PXDNL: variants seen among roughly 807,000 people sequenced by gnomAD.
The protein encoded by PXDNL is probable oxidoreductase PXDNL.
A neutral mutation model predicts 150.8 loss-of-function variants in PXDNL; 145 were observed. The observed-to-expected ratio is 0.96, with a 90% CI of 0.84 to 1.10. The LOEUF (loss-of-function observed/expected upper bound fraction) is 1.10. Among genes scored for constraint, PXDNL ranks in the 50% least tolerant of loss-of-function variants. PXDNL has a pLI of 0.00. For synonymous variants in PXDNL, 757 were observed against 725.7 expected (o/e 1.04, Z -0.69); for missense variants, 2,087 against 1,873.9 (o/e 1.11, Z -2.10).
At chr8:51,763,267 A>G (rs1331157919) in intron 1 of PXDNL, among the ~76,000 whole-genome samples, 2 of 151,792 alleles carry the variant, frequency 1.3e-5, no homozygotes, top group African/African-American at 2.4e-5. Context: ...TCGTGCATGT[A>G]TATATATAAG....
At chr8:51,561,256 C>T (rs894923052) in intron 3 of PXDNL, among the ~76,000 whole-genome samples, 8 of 151,888 alleles carry the variant, frequency 5.3e-5, no homozygotes, top group Non-Finnish European at 1.0e-4. Flanking sequence ...AAATATACTT[C>T]TGGGCATATA....
intron 1 of PXDNL, among the ~76,000 whole-genome samples, chr8:51,797,712 A>G (rs1465802111): frequency 2.7e-5 from 3 of 111,170 alleles, no homozygotes; most frequent in Non-Finnish European, 4.8e-5. Context: ...ATGTTCATGG[A>G]TAGGAAGAAT....
intron 1 of PXDNL, among the ~76,000 whole-genome samples, chr8:51,704,039 T>C (rs1352294810): frequency 6.6e-6 from 1 of 152,200 alleles, no homozygotes; most frequent in African/African-American, 2.4e-5. Context: ...GCATTGCCTA[T>C]AAAATAGAGA....
rs1196728373 is a variant in PXDNL at position 51,641,865 on chromosome 8, A to C, written c.236+12824T>G. Among the ~76,000 whole-genome samples the C allele has an allele frequency of 6.0e-3, 914 of 151,494 alleles. 11 individuals carry two copies. Among genetic ancestry groups the C allele is most frequent in the African/African-American group, 0.02 (844 of 41,286 alleles). ...GCCATCCCATTACTGGGTATATACCAAAAGGACTATAAATCATGCTGCTAT... is the reference window on the plus strand; with the variant it reads ...GCCATCCCATTACTGGGTATATACCCAAAGGACTATAAATCATGCTGCTAT... On this transcript the variant is annotated intron_variant, in intron 2 of 22. Transcript: ENST00000356297.
chr8:51,784,596 T>C (rs1032786335), intron 1 of PXDNL, among the ~76,000 whole-genome samples: 1 of 152,210 alleles, frequency 6.6e-6, no homozygotes, highest in East Asian at 1.9e-4. Flanking sequence ...TTGCTCCTAA[T>C]TGGATCAACG....
chr8:51,803,854 T>C (rs2037647767), intron 1 of PXDNL, among the ~76,000 whole-genome samples: 1 of 152,212 alleles, frequency 6.6e-6, no homozygotes, highest in Non-Finnish European at 1.5e-5. Flanking sequence ...CCAATGACTT[T>C]CAGAACTGCA....
At chr8:51,540,433 C>T (rs551353900) in intron 4 of PXDNL, among the ~76,000 whole-genome samples, 312 of 152,136 alleles carry the variant, frequency 2.1e-3, no homozygotes, top group Non-Finnish European at 3.5e-3. Context: ...ATTGAGTTTT[C>T]GTTCTTATTC....
At chr8:51,379,865 T>C (rs1195997320) in intron 17 of PXDNL, among the ~76,000 whole-genome samples, 1 of 152,184 alleles carries the variant, frequency 6.6e-6, no homozygotes, top group East Asian at 1.9e-4. Context: ...TCATTTTTAA[T>C]CCAAGGGTAG....
chr8:51,509,810 A>G (rs1811374600), intron 4 of PXDNL, among the ~76,000 whole-genome samples: 1 of 151,222 alleles, frequency 6.6e-6, no homozygotes, highest in South Asian at 2.1e-4. Flanking sequence ...ATATATATAC[A>G]TATACGTGTG....
At chr8:51,740,552 C>T (rs111651014) in intron 1 of PXDNL, among the ~76,000 whole-genome samples, 2,199 of 152,022 alleles carry the variant, frequency 0.014, 25 homozygotes, top group Non-Finnish European at 0.02. Context: ...TATCTCATTG[C>T]GGTTTAGATT....
intron 21 of PXDNL, among the ~76,000 whole-genome samples, chr8:51,327,143 G>A (rs1269736500): frequency 6.6e-6 from 1 of 152,178 alleles, no homozygotes; most frequent in African/African-American, 2.4e-5. Flanking sequence ...GAAAAACTGT[G>A]GAGGACAGAC....
chr8:51,462,811 A>T (rs1810112558), intron 8 of PXDNL, among the ~76,000 whole-genome samples: 1 of 152,148 alleles, frequency 6.6e-6, no homozygotes, highest in African/African-American at 2.4e-5. Flanking sequence ...TCCCTGCAAG[A>T]TATTACACAA....
At chr8:51,385,462 T>G (rs997048591) in intron 17 of PXDNL, among the ~76,000 whole-genome samples, 15 of 152,252 alleles carry the variant, frequency 9.9e-5, no homozygotes, top group Admixed American at 2.6e-4. Context: ...TTTTAATTTC[T>G]GATTGAGAAA....
At chr8:51,750,357 G>C (rs1390014569) in intron 1 of PXDNL, among the ~76,000 whole-genome samples, 2 of 152,158 alleles carry the variant, frequency 1.3e-5, no homozygotes, top group Non-Finnish European at 2.9e-5. Flanking sequence ...TCATCTCTAT[G>C]ATAACAATGC....
chr8:51,589,277 G>C lies in PXDNL; in HGVS notation c.308+3350C>G, dbSNP rs540884090. 5.3e-5 allele frequency among the ~76,000 whole-genome samples: 8 copies of C among 152,298 alleles called. No individual in the cohort carries two copies. In the East Asian group the frequency reaches 1.5e-3, roughly 29 times the overall value. ...AAAACTAAGACAGATAATTGGTATT[G>C]AGAGGTGGATCTGTTGTTCTAACAG... On this transcript the variant is annotated intron_variant, in intron 3 of 22. Coordinates refer to ENST00000356297, the MANE Select transcript of PXDNL (RefSeq NM_144651.5).
intron 1 of PXDNL, among the ~76,000 whole-genome samples, chr8:51,780,912 G>A (rs1291321399): frequency 2.0e-5 from 3 of 150,570 alleles, no homozygotes; most frequent in South Asian, 2.1e-4. Flanking sequence ...CACCTGCCTC[G>A]GCCTCCCAGG....
intron 17 of PXDNL, among the ~76,000 whole-genome samples, chr8:51,402,390 G>T (rs1319345372): frequency 3.3e-5 from 5 of 152,042 alleles, no homozygotes; most frequent in African/African-American, 1.2e-4. Context: ...ATGGTGGCAT[G>T]CACCTGTAAT....
chr8:51,577,333 G>A lies in PXDNL; in HGVS notation c.308+15294C>T, dbSNP rs191489764. ...AGTGTATTTCAGGAATACAAAAGTA[G>A]TTCAATATTCAAAAATTAATGAATA... On this transcript the variant is annotated intron_variant, in intron 3 of 22. Coordinates refer to ENST00000356297, the MANE Select transcript of PXDNL (RefSeq NM_144651.5). Among the ~76,000 whole-genome samples the A allele has an allele frequency of 1.5e-3, 223 of 151,318 alleles. 1 individual carries two copies. Among genetic ancestry groups the A allele is most frequent in the African/African-American group, 5.1e-3 (211 of 41,394 alleles).
chr8:51,340,467 G>A (rs1805955421), intron 20 of PXDNL, among the ~76,000 whole-genome samples: 1 of 152,166 alleles, frequency 6.6e-6, no homozygotes, highest in African/African-American at 2.4e-5. Flanking sequence ...CATTTCAAGT[G>A]CTCTTACGTT....
Sources: gnomAD v4.1 joint callset for allele counts (sites outside exome capture counted in the v4.1 genomes callset) on GRCh38, gnomAD v4.1.1 for gene constraint, MANE v1.5 for transcripts, NCBI Gene and HGNC (gene_info 2026-07-23, HGNC 2026-07-21) for gene names.